WNK1: variants seen among roughly 807,000 people sequenced by gnomAD.
WNK1 encodes serine/threonine-protein kinase WNK1.
Under a neutral mutation model 222.8 loss-of-function variants are expected in WNK1, and 38 were observed. That is an observed-to-expected ratio of 0.17 (90% CI 0.13 to 0.22). The LOEUF (loss-of-function observed/expected upper bound fraction) is 0.22. WNK1 is among the 10% of genes least tolerant of loss of function. The probability of loss-of-function intolerance (pLI) is 1.00; values close to 1 mark genes in which losing one functional copy is unlikely to be tolerated. For missense variants in WNK1, 2,348 were observed against 2,918.4 expected, an observed-to-expected ratio of 0.80 and a Z score of 4.50; for synonymous variants, 1,090 against 1,092.9, an observed-to-expected ratio of 1.00 and a Z score of 0.05.
In WNK1 at chr12:896,552, A is replaced by G. The variant is rs1258089031; in HGVS notation, c.6065A>G (p.Asp2022Gly). The G allele has an allele frequency of 1.2e-6, 2 of 1,613,130 alleles. No individual in the cohort carries two copies. Among genetic ancestry groups the G allele is most frequent in the Non-Finnish European group, 1.7e-6 (2 of 1,179,818 alleles). ...SDPEAAFLSR[D>G]VDDGSGSPHS... ...CCGGAGGCCGCTTTTTTAAGTAGGG[A>G]TGTGGATGATGGTTCCGGTAGTCCA... Residue 2022 changes from aspartate to glycine, a missense_variant, in exon 24 of 28, where the codon GAT (aspartate) becomes GGT (glycine). Around this residue, in one of 13 missense-constraint regions of WNK1, gnomAD observed 1,144 missense variants for 1,273.6 expected, o/e 0.90. Transcript: ENST00000315939.
rs1277687516 is a variant in WNK1 at position 868,841 on chromosome 12, G to A, written c.2140-2424G>A. 5.6e-6 allele frequency: 9 copies of A among 1,613,870 alleles called. No homozygotes were observed. Among genetic ancestry groups the A allele is most frequent in the African/African-American group, 2.7e-5 (2 of 74,924 alleles). ...GACCGTTTCTGTGGTAGAGCCTATC[G>A]GACAGAACTGGCCAATAGGAAGCCC... On this transcript the variant is annotated intron_variant, in intron 8 of 27. Coordinates refer to ENST00000315939, the MANE Select transcript of WNK1 (RefSeq NM_018979.4).
intron 1 of WNK1, among the ~76,000 whole-genome samples, chr12:754,942 T>A (rs1939769460): frequency 1.3e-5 from 2 of 152,368 alleles, no homozygotes; most frequent in South Asian, 4.1e-4. Flanking sequence ...TTCAGCCCAT[T>A]CACTATACAG....
chr12:798,203 T>G (rs1162218447), intron 1 of WNK1, among the ~76,000 whole-genome samples: 1 of 151,502 alleles, frequency 6.6e-6, no homozygotes, highest in East Asian at 1.9e-4. Flanking sequence ...TTTTTTTTTT[T>G]GTTTTTGAGA....
At chr12:783,051 G>A (rs530611191) in intron 1 of WNK1, among the ~76,000 whole-genome samples, 118 of 151,676 alleles carry the variant, frequency 7.8e-4, no homozygotes, top group South Asian at 3.1e-3. Context: ...CTACAAGCAC[G>A]TGCCACCACA....
chr12:823,411 T>C (rs1402614116), intron 2 of WNK1, among the ~76,000 whole-genome samples: 1 of 152,220 alleles, frequency 6.6e-6, no homozygotes, highest in African/African-American at 2.4e-5. Context: ...CCATTGTGTA[T>C]ATTTTGCTCA....
At chr12:871,244 G>A in intron 8 of WNK1, 21 bp from the exon 9 acceptor site, 1 of 1,611,916 alleles carries the variant, frequency 6.2e-7, no homozygotes, top group Non-Finnish European at 8.5e-7. Flanking sequence ...CTAATTTGTT[G>A]TGTTCACTTC....
intron 24 of WNK1, 121 bp from the exon 25 acceptor site, chr12:897,358 G>A (rs1389446901): frequency 4.0e-6 from 3 of 745,002 alleles, no homozygotes; most frequent in Admixed American, 3.9e-5. Flanking sequence ...TAGTACATTT[G>A]GGGAAAAGGT....
chr12:863,192 A>T (rs1951351392), intron 8 of WNK1, among the ~76,000 whole-genome samples: 1 of 152,148 alleles, frequency 6.6e-6, no homozygotes, highest in Admixed American at 6.5e-5. Flanking sequence ...ACTTTGTGGA[A>T]TTCTTGCTCT....
chr12:819,900 A>G (rs1947701575), intron 2 of WNK1, among the ~76,000 whole-genome samples: 1 of 152,120 alleles, frequency 6.6e-6, no homozygotes. Context: ...CTGGACTCTC[A>G]ATTCTATTTC....
chr12:868,880 G>T lies in WNK1; in HGVS notation c.2140-2385G>T, dbSNP rs755541973. On this transcript the variant is annotated intron_variant, in intron 8 of 27. Transcript: ENST00000315939. ...AATAGGAAGCCCAGAATATTCCAGT[G>T]ATTCCTCACAAATCACTTCTTCAGA... 6 of 1,609,544 alleles carry T rather than the reference G, an allele frequency of 3.7e-6. No individual in the cohort carries two copies. Among genetic ancestry groups the T allele is most frequent in the Middle Eastern group, 1.7e-4 (1 of 6,054 alleles).
At chr12:780,863 C>T (rs945612551) in intron 1 of WNK1, among the ~76,000 whole-genome samples, 1 of 152,176 alleles carries the variant, frequency 6.6e-6, no homozygotes, top group Non-Finnish European at 1.5e-5. Context: ...CTTATCCTCT[C>T]ACAGTCAAAA....
At position 883,547 on chromosome 12, in the gene WNK1, C is replaced by G; in HGVS notation, c.3642C>G (p.Asp1214Glu). ...TGGAGAGTCTACAAGGAAAGGATGA[C>G]TATGGCTTTTCAGGTTCTCAGGTAG... ...QGLESLQGKD[D>E]YGFSGSQKLE... is the part of the protein sequence containing the mutation. Residue 1214 changes from aspartate to glutamate, a missense_variant, in exon 16 of 28, where the codon GAC becomes GAG. Physicochemically the swap from Asp to Glu is conservative, Grantham distance 45. Transcript: ENST00000315939. 6.2e-7 allele frequency: 1 copy of G among 1,614,042 alleles called. No individual in the cohort carries two copies. The highest frequency in any genetic ancestry group is 8.5e-7 in the Non-Finnish European group (1 of 1,179,944).
intron 4 of WNK1, among the ~76,000 whole-genome samples, chr12:856,445 C>G (rs1207938883): frequency 7.0e-6 from 1 of 143,080 alleles, no homozygotes; most frequent in Non-Finnish European, 1.5e-5. Context: ...CAGAGCAAGA[C>G]TCCATCTCGA....
rs1451142227 is a variant in WNK1 at position 753,615 on chromosome 12, T to C, written c.50T>C (p.Phe17Ser). ...EKQSSTPGSL[F>S]LSPPAPAPKN... ...CAGAGCAGCACTCCCGGTTCCCTGT[T>C]CCTCTCGCCGCCGGCTCCTGCCCCC... Residue 17 changes from phenylalanine (F) to serine (S), a missense_variant, in exon 1 of 28, where the codon TTC becomes TCC. Around this residue, in one of 13 missense-constraint regions of WNK1, gnomAD observed 108 missense variants for 109.7 expected, o/e 0.98. Transcript: ENST00000315939. The surrounding 1 kb of genome is among the most constrained non-coding windows in gnomAD (Gnocchi z 5.2). 4.3e-6 allele frequency: 7 copies of C among 1,612,726 alleles called. No homozygotes were observed. Among genetic ancestry groups the C allele is most frequent in the Non-Finnish European group, 5.1e-6 (6 of 1,179,916 alleles).
chr12:831,974 G>C (rs1332005668), intron 4 of WNK1, among the ~76,000 whole-genome samples: 1 of 151,728 alleles, frequency 6.6e-6, no homozygotes, highest in African/African-American at 2.4e-5. Flanking sequence ...CATTTTTAGT[G>C]ATGTAATTTA....
chr12:891,328 G>C (rs1442523259), intron 22 of WNK1, among the ~76,000 whole-genome samples: 3 of 152,184 alleles, frequency 2.0e-5, no homozygotes, highest in Non-Finnish European at 4.4e-5. Context: ...AGTAGAGACA[G>C]GGTTTCTCCC....
At chr12:766,487 C>CTT (rs5795948) in intron 1 of WNK1, among the ~76,000 whole-genome samples, 63 of 148,080 alleles carry the variant, frequency 4.3e-4, no homozygotes, top group Admixed American at 6.1e-4. Context: ...TTTGATTATT[C>CTT]TTTTTTTTTT....
At chr12:882,853 A>C in intron 14 of WNK1, 90 bp from the exon 15 acceptor site, 1 of 833,372 alleles carries the variant, frequency 1.2e-6, no homozygotes, top group Non-Finnish European at 2.1e-6. Context: ...CTTAGACATA[A>C]AGTCAAGTGC....
chr12:758,976 A>G (rs1387871842), intron 1 of WNK1, among the ~76,000 whole-genome samples: 1 of 146,648 alleles, frequency 6.8e-6, no homozygotes, highest in Non-Finnish European at 1.5e-5. Context: ...TTTAAAATTT[A>G]TCTTATTCCA....
Sources: gnomAD v4.1 joint callset for allele counts (sites outside exome capture counted in the v4.1 genomes callset) on GRCh38, gnomAD v4.1.1 for gene constraint, gnomAD v4.1.1 regional missense constraint, Gnocchi (gnomAD v3.1) non-coding constraint, MANE v1.5 for transcripts, NCBI Gene and HGNC (gene_info 2026-07-23, HGNC 2026-07-21) for gene names.